The following PDZRN3 variants were observed in gnomAD, a reference collection of about 807,000 sequenced individuals.
The protein encoded by PDZRN3 is PDZ domain containing ring finger 3.
Under a neutral mutation model 85.7 loss-of-function variants are expected in PDZRN3, and 38 were observed. The ratio of observed to expected loss-of-function variants is 0.44; its 90% CI spans 0.34 to 0.58. The LOEUF (loss-of-function observed/expected upper bound fraction) is 0.58. Ranked by LOEUF, PDZRN3 falls within the 20% of genes least tolerant of loss-of-function variation. The pLI, the probability that PDZRN3 is intolerant of heterozygous loss-of-function variation, is 0.01. For missense variants in PDZRN3, 1,629 were observed against 1,506.4 expected (o/e 1.08, Z -1.35); for synonymous variants, 759 against 638.0 (o/e 1.19, Z -2.86).
intron 3 of PDZRN3, among the ~76,000 whole-genome samples, chr3:73,543,825 G>A (rs972769456): frequency 1.2e-4 from 18 of 152,204 alleles, no homozygotes; most frequent in Non-Finnish European, 1.8e-4. Context: ...CAAAAAGGGT[G>A]TTCAACTTGC....
At chr3:73,608,540 G>T in intron 2 of PDZRN3, 58 bp downstream of exon 2, 1 of 1,176,390 alleles carries the variant, frequency 8.5e-7, no homozygotes, top group Non-Finnish European at 1.3e-6. Flanking sequence ...TTCAAACCTT[G>T]ACCTCTCTTT....
intron 3 of PDZRN3, among the ~76,000 whole-genome samples, chr3:73,531,813 T>A (rs1482395282): frequency 6.6e-6 from 1 of 152,170 alleles, no homozygotes; most frequent in Non-Finnish European, 1.5e-5. Context: ...CATTCAGGGT[T>A]CAGGCAGAAA....
intron 3 of PDZRN3, among the ~76,000 whole-genome samples, chr3:73,561,234 C>T (rs550164410): frequency 1.3e-5 from 2 of 152,278 alleles, no homozygotes; most frequent in Admixed American, 6.5e-5. Flanking sequence ...GCCAAACTGC[C>T]CTGGTGGAGC....
chr3:73,545,493 T>C (rs1391956309), intron 3 of PDZRN3, among the ~76,000 whole-genome samples: 2 of 152,170 alleles, frequency 1.3e-5, no homozygotes, highest in Non-Finnish European at 2.9e-5. Context: ...TGCTCAGAGA[T>C]GTCTGAGTGC....
chr3:73,401,997 A>AG (rs1361418340), intron 4 of PDZRN3: 2 of 152,248 alleles, frequency 1.3e-5, no homozygotes, highest in African/African-American at 4.8e-5. Context: ...TCAGGCAAAT[A>AG]TACTGCCTGC....
Position 73,624,210 on chromosome 3 carries a change from G to T in PDZRN3, c.616C>A (p.Gln206Lys). 1 of 1,488,380 alleles carries T rather than the reference G, an allele frequency of 6.7e-7. No individual in the cohort carries two copies. 92.2% of individuals were successfully genotyped at this position (1,488,380 alleles called of 1,614,324 possible). ...AGCGCGGTCATCTGCAGCTCAAGCT[G>T]CGCCGCGGCCAGCTGGGCCACCAGC... The part of the protein sequence containing the change: ...KSLVAQLAAA[Q>K]LELQMTALRY... The change falls in exon 1 of 10, where the codon CAG (glutamine) becomes AAG (lysine). Residue 206 changes from glutamine (Q) to lysine (K), a missense_variant. Physicochemically the swap from Gln to Lys is moderately conservative, Grantham distance 53. Coordinates refer to ENST00000263666, the MANE Select transcript of PDZRN3 (RefSeq NM_015009.3).
intron 3 of PDZRN3, among the ~76,000 whole-genome samples, chr3:73,581,718 A>G (rs1421813424): frequency 6.6e-6 from 1 of 152,096 alleles, no homozygotes; most frequent in African/African-American, 2.4e-5. Flanking sequence ...ATTTGTATCT[A>G]TTGATGGAAT....
rs117900728 is a variant in PDZRN3, at chr3:73,529,946, C to A, written c.918+72408G>T. 5.0e-3 allele frequency among the ~76,000 whole-genome samples: 755 copies of A among 152,270 alleles called. 19 individuals carry two copies. The highest frequency in any genetic ancestry group is 0.039 in the Admixed American group (603 of 15,298). ...GTTGTAAAAATTATATGCATTAATG[C>A]ACAGCAAGCCCTCAGAACAGTACCG... is the stretch of plus-strand genomic sequence containing the variant. On this transcript the variant is annotated intron_variant, in intron 3 of 9. Coordinates refer to ENST00000263666, the MANE Select transcript of PDZRN3 (RefSeq NM_015009.3).
intron 3 of PDZRN3, among the ~76,000 whole-genome samples, chr3:73,455,732 G>T (rs1256139253): frequency 6.6e-6 from 1 of 152,170 alleles, no homozygotes; most frequent in African/African-American, 2.4e-5. Flanking sequence ...CTCTAGCATG[G>T]AGCAAATAAA....
intron 3 of PDZRN3, among the ~76,000 whole-genome samples, chr3:73,521,372 C>G (rs1704360747): frequency 6.6e-6 from 1 of 152,050 alleles, no homozygotes; most frequent in Non-Finnish European, 1.5e-5. Flanking sequence ...TCAAAATGTG[C>G]ATTTGGGAGG....
At chr3:73,502,782 A>G (rs1246961253) in intron 3 of PDZRN3, among the ~76,000 whole-genome samples, 1 of 152,236 alleles carries the variant, frequency 6.6e-6, no homozygotes, top group Non-Finnish European at 1.5e-5. Flanking sequence ...GCTGTGTGGC[A>G]TCTTACAGAA....
intron 4 of PDZRN3, among the ~76,000 whole-genome samples, chr3:73,402,941 C>T (rs1701780583): frequency 2.5e-4 from 29 of 115,646 alleles, no homozygotes; most frequent in African/African-American, 4.1e-4. Flanking sequence ...ACATGAAAAG[C>T]TTTTTTTTTT....
chr3:73,565,295 A>AT (rs1701922016), intron 3 of PDZRN3, among the ~76,000 whole-genome samples: 1 of 151,800 alleles, frequency 6.6e-6, no homozygotes, highest in African/African-American at 2.4e-5. Context: ...TGTCCTGCTA[A>AT]TTTTTTGTAT....
intron 3 of PDZRN3, among the ~76,000 whole-genome samples, chr3:73,479,029 G>C (rs75125348): frequency 0.015 from 2,228 of 152,318 alleles, 57 homozygotes; most frequent in African/African-American, 0.051. Context: ...AGCACTGAAT[G>C]AACATCTGTT....
chr3:73,410,066 G>C (rs1043578761), intron 3 of PDZRN3, among the ~76,000 whole-genome samples: 2 of 152,096 alleles, frequency 1.3e-5, no homozygotes, highest in African/African-American at 4.8e-5. Flanking sequence ...ATTTCATTCT[G>C]TAAAATATCA....
At chr3:73,568,624 G>A (rs949975789) in intron 3 of PDZRN3, among the ~76,000 whole-genome samples, 1 of 152,180 alleles carries the variant, frequency 6.6e-6, no homozygotes, top group Non-Finnish European at 1.5e-5. Context: ...ATGTCAGCAG[G>A]GGATTCCCGG....
chr3:73,392,755 C>CTAAT (rs1241549774), intron 5 of PDZRN3, among the ~76,000 whole-genome samples: 2 of 152,126 alleles, frequency 1.3e-5, no homozygotes, highest in Non-Finnish European at 2.9e-5. Flanking sequence ...CAACAGCTTC[C>CTAAT]TAATTATAGC....
rs374167955 is a variant in PDZRN3, at chr3:73,404,178, G to C, written c.1136C>G (p.Pro379Arg). The change falls in exon 4 of 10, where the codon CCC becomes CGC. Residue 379 changes from proline (P) to arginine (R), a missense_variant. Physicochemically the swap from Pro to Arg is moderately radical, Grantham distance 103. Coordinates refer to ENST00000263666, the MANE Select transcript of PDZRN3 (RefSeq NM_015009.3). ...ALTKMSSPSP[P>R]VLDPYLLPEE... ...TGGCAAGAGATAGGGATCCAGCACG[G>C]GTGGGCTGGGAGAGGACATCTTAGT... 1 of 1,613,830 alleles carries C rather than the reference G, an allele frequency of 6.2e-7. No individual in the cohort carries two copies. The highest frequency in any genetic ancestry group is 8.5e-7 in the Non-Finnish European group (1 of 1,179,744).
Position 73,384,415 on chromosome 3 carries a change from C to T in PDZRN3, c.2151G>A (p.Glu717=). 1 of 1,610,402 alleles carries T rather than the reference C, an allele frequency of 6.2e-7. No homozygotes were observed. Among genetic ancestry groups the T allele is most frequent in the Non-Finnish European group, 8.5e-7 (1 of 1,179,972 alleles). Residue 717 remains glutamate, a synonymous_variant, in exon 10 of 10, where the codon GAG becomes GAA. Coordinates refer to ENST00000263666, the MANE Select transcript of PDZRN3 (RefSeq NM_015009.3). Reference sequence around the variant, plus strand: ...AGCCGCTGTTGTGCAGCATCCAGGACTCGCGGTACTGCTCCTTGAGCTGCT... The same window carrying T: ...AGCCGCTGTTGTGCAGCATCCAGGATTCGCGGTACTGCTCCTTGAGCTGCT... ...KMQQLKEQYR[E]SWMLHNSGFR... is the part of the protein sequence containing the mutation.
Sources: allele counts gnomAD v4.1 joint callset (sites outside exome capture counted in the v4.1 genomes callset), GRCh38; gene constraint gnomAD v4.1.1; transcripts MANE v1.5; gene names NCBI Gene and HGNC (gene_info 2026-07-23, HGNC 2026-07-21).